TMEM63C: variants seen among roughly 807,000 people sequenced by gnomAD.
The protein encoded by TMEM63C is transmembrane protein 63C, also known as osmosensitive cation channel TMEM63C.
TMEM63C carries 32 observed loss-of-function variants against 99.2 expected under a neutral mutation model. The observed-to-expected ratio is 0.32, with a 90% confidence interval of 0.24 to 0.43. The LOEUF is 0.43. Ranked by LOEUF, TMEM63C falls within the 20% of genes least tolerant of loss-of-function variation. TMEM63C has a pLI of 1.00. For synonymous variants in TMEM63C, 376 were observed against 397.9 expected (o/e 0.94, Z 0.66); for missense variants, 826 against 1,053.0 (o/e 0.78, Z 2.98).
chr14:77,183,480 A>G (rs1231301609), intron 1 of TMEM63C, among the ~76,000 whole-genome samples: 2 of 152,146 alleles, frequency 1.3e-5, no homozygotes, highest in Non-Finnish European at 2.9e-5. Flanking sequence ...ACAGGGATAC[A>G]CAATTTCTGT....
chr14:77,236,006 C>T (rs557283958), intron 8 of TMEM63C, among the ~76,000 whole-genome samples: 232 of 3,304 alleles, frequency 0.07, 30 homozygotes, highest in Admixed American at 0.13. Context: ...TCTGGGGAGA[C>T]TGTGATGGGT....
chr14:77,182,574 C>T (rs1372025768), intron 1 of TMEM63C, among the ~76,000 whole-genome samples: 1 of 152,270 alleles, frequency 6.6e-6, no homozygotes, highest in Non-Finnish European at 1.5e-5. Context: ...GCCTCCCAGG[C>T]ACTGCCTTCA....
chr14:77,241,097 C>T (rs1206761569), intron 13 of TMEM63C, among the ~76,000 whole-genome samples: 1 of 151,980 alleles, frequency 6.6e-6, no homozygotes, highest in Admixed American at 6.6e-5. Flanking sequence ...ATTACAGGTG[C>T]CTGCCACCAT....
Position 77,231,740 on chromosome 14 carries a change from G to A in TMEM63C, c.493+10G>A. 3 of 1,551,506 alleles carry A rather than the reference G, an allele frequency of 1.9e-6. No homozygotes were observed. The highest frequency in any genetic ancestry group is 2.6e-6 in the Non-Finnish European group (3 of 1,146,970). ...ACTGGATCTGTTCTGGGTAGGCAAA[G>A]CTCAGCTGGCCCTGGGGCAGCAGCT... On this transcript the variant is annotated intron_variant, in intron 7 of 23. Transcript: ENST00000298351.
chr14:77,193,669 T>C (rs1032318545), intron 1 of TMEM63C, among the ~76,000 whole-genome samples: 3 of 152,126 alleles, frequency 2.0e-5, no homozygotes, highest in Non-Finnish European at 4.4e-5. Context: ...ACCCCGTCTC[T>C]GTTAAAAATA....
Position 77,239,619 on chromosome 14 carries a change from G to T in TMEM63C, c.823G>T (p.Gly275Cys). ...CGCTGGCAGGCGCCATGCCATGCGG[G>T]GCCGGCTTTTCTATACAGCCAAGGC... is the stretch of plus-strand genomic sequence containing the variant. Reference protein sequence around the residue: ...LDDQRRHAMRGRLFYTAKAKK... With the variant: ...LDDQRRHAMRCRLFYTAKAKK... Residue 275 changes from glycine to cysteine, a missense_variant, in exon 12 of 24, where the codon GGC becomes TGC. Gly to Cys is a radical substitution (Grantham distance 159, BLOSUM62 -3). Coordinates refer to ENST00000298351, the MANE Select transcript of TMEM63C (RefSeq NM_020431.4). The T allele has an allele frequency of 6.2e-7, 1 of 1,613,360 alleles. No individual in the cohort carries two copies. Among genetic ancestry groups the T allele is most frequent in the Non-Finnish European group, 8.5e-7 (1 of 1,179,768 alleles).
At chr14:77,189,230 C>T (rs1240949633) in intron 1 of TMEM63C, among the ~76,000 whole-genome samples, 7 of 151,676 alleles carry the variant, frequency 4.6e-5, no homozygotes, top group Admixed American at 2.0e-4. Context: ...CCACCTCAGC[C>T]TCCTGAGTAG....
intron 9 of TMEM63C, 34 bp downstream of exon 9, chr14:77,236,766 G>A: frequency 6.7e-7 from 1 of 1,489,850 alleles, no homozygotes. Flanking sequence ...CCCACTGTGG[G>A]AAGCTGGGGT....
chr14:77,185,977 T>C (rs1887986897), intron 1 of TMEM63C, among the ~76,000 whole-genome samples: 1 of 151,634 alleles, frequency 6.6e-6, no homozygotes. Flanking sequence ...TGGCCAGCTG[T>C]CCAGGGACCC....
rs757204497 is a variant in TMEM63C at position 77,239,438 on chromosome 14, C to G, written c.752C>G (p.Thr251Arg). Reference sequence around the variant, plus strand: ...GAGGCCTATCCAGGCAGTGTCGTGACAAGAGTCCACTTCTGCTACGACGTC... The same window carrying G: ...GAGGCCTATCCAGGCAGTGTCGTGAGAAGAGTCCACTTCTGCTACGACGTC... ...FHEAYPGSVV[T>R]RVHFCYDVRN... Residue 251 changes from threonine (T) to arginine (R), a missense_variant, in exon 11 of 24, where the codon ACA becomes AGA. Physicochemically the swap from Thr to Arg is moderately conservative, Grantham distance 71 (BLOSUM62 -1). Coordinates refer to ENST00000298351, the MANE Select transcript of TMEM63C (RefSeq NM_020431.4). The G allele has an allele frequency of 5.1e-5, 82 of 1,613,616 alleles. 1 individual carries two copies. The South Asian group carries it at 9.0e-4, about 18-fold the overall frequency.
At chr14:77,240,658 T>C in intron 13 of TMEM63C, 50 bp downstream of exon 13, 1 of 1,588,426 alleles carries the variant, frequency 6.3e-7, no homozygotes, top group Non-Finnish European at 8.5e-7. Context: ...CTCCTGCTTC[T>C]CGGCACTCTC....
intron 9 of TMEM63C, 135 bp downstream of exon 9, chr14:77,236,867 C>T: frequency 1.5e-6 from 1 of 655,682 alleles, no homozygotes; most frequent in East Asian, 2.7e-5. Context: ...GCGGTTTCAC[C>T]TGAGCAGGGG....
intron 2 of TMEM63C, among the ~76,000 whole-genome samples, chr14:77,214,334 G>A (rs745701420): frequency 6.6e-6 from 1 of 152,098 alleles, no homozygotes; most frequent in Non-Finnish European, 1.5e-5. Flanking sequence ...CCCGATGAGC[G>A]ATGAGTGAGC....
intron 6 of TMEM63C, 84 bp downstream of exon 6, chr14:77,225,545 A>AGG: frequency 1.4e-6 from 2 of 1,451,318 alleles, no homozygotes; most frequent in Non-Finnish European, 1.9e-6. Context: ...AGCAGCCCCC[A>AGG]GCCTGGGAAG....
chr14:77,231,859 G>A, intron 7 of TMEM63C, 129 bp downstream of exon 7: 1 of 1,081,502 alleles, frequency 9.2e-7, no homozygotes, highest in Admixed American at 2.3e-5. Context: ...GTTGTTGTGT[G>A]AACTTGAACA....
At chr14:77,190,413 A>G (rs765840812) in intron 1 of TMEM63C, among the ~76,000 whole-genome samples, 1 of 152,212 alleles carries the variant, frequency 6.6e-6, no homozygotes, top group Non-Finnish European at 1.5e-5. Flanking sequence ...AGAGATTCTA[A>G]ATTATTCTAT....
At chr14:77,186,021 T>TTG (rs1566613973) in intron 1 of TMEM63C, among the ~76,000 whole-genome samples, 1,771 of 149,404 alleles carry the variant, frequency 0.012, 24 homozygotes, top group African/African-American at 0.042. Context: ...TGTTGTTGTT[T>TTG]TTTTTTTTGA....
chr14:77,244,329 C>T lies in TMEM63C; in HGVS notation c.1342-20C>T. The T allele has an allele frequency of 6.4e-7, 1 of 1,566,630 alleles. No individual in the cohort carries two copies. Among genetic ancestry groups the T allele is most frequent in the South Asian group, 1.1e-5 (1 of 89,922 alleles). ...CTTGCATTGACGTCTCTCCTGCCGT[C>T]CTCCCCTCTCCCCCTGCAGAACCCA... On this transcript the variant is annotated intron_variant, in intron 15 of 23. Transcript: ENST00000298351.
intron 21 of TMEM63C, among the ~76,000 whole-genome samples, chr14:77,250,058 T>C (rs956208185): frequency 1.3e-5 from 2 of 152,116 alleles, no homozygotes; most frequent in African/African-American, 2.4e-5. Context: ...TGGTCTGGAA[T>C]TTCTGGGCTA....
Sources: allele counts gnomAD v4.1 joint callset (sites outside exome capture counted in the v4.1 genomes callset), GRCh38; gene constraint gnomAD v4.1.1; transcripts MANE v1.5; gene names NCBI Gene and HGNC (gene_info 2026-07-23, HGNC 2026-07-21).